The following SLC8A1 variants were observed in gnomAD, a reference collection of about 807,000 sequenced individuals.
SLC8A1 encodes sodium/calcium exchanger 1.
A neutral mutation model predicts 68.3 loss-of-function variants in SLC8A1; 18 were observed. The observed-to-expected ratio is 0.26, with a 90% CI of 0.18 to 0.39. SLC8A1 has a LOEUF of 0.39. Among genes scored for constraint, SLC8A1 ranks in the 10% least tolerant of loss-of-function variants. The pLI is 1.00. For synonymous variants in SLC8A1, 475 were observed against 415.5 expected (o/e 1.14, Z -1.74); for missense variants, 985 against 1,156.7 (o/e 0.85, Z 2.15).
At chr2:40,315,481 A>G (rs766449472) in intron 2 of SLC8A1, among the ~76,000 whole-genome samples, 5 of 134,222 alleles carry the variant, frequency 3.7e-5, no homozygotes, top group Non-Finnish European at 6.3e-5. Flanking sequence ...TATCCCTGTT[A>G]CAACTGCTTT....
chr2:40,200,230 A>G (rs1333608962), intron 2 of SLC8A1, among the ~76,000 whole-genome samples: 6 of 30,306 alleles, frequency 2.0e-4, no homozygotes, highest in Non-Finnish European at 3.9e-4. Context: ...TTTTTTATAT[A>G]TATATATAAA....
At chr2:40,357,827 G>C (rs550824338) in intron 2 of SLC8A1, among the ~76,000 whole-genome samples, 1 of 152,084 alleles carries the variant, frequency 6.6e-6, no homozygotes, top group Non-Finnish European at 1.5e-5. Context: ...TTTAAGGAGA[G>C]TACAGTTGAT....
intron 2 of SLC8A1, among the ~76,000 whole-genome samples, chr2:40,407,774 C>T (rs924964468): frequency 2.6e-5 from 4 of 152,198 alleles, no homozygotes; most frequent in Admixed American, 2.0e-4. Flanking sequence ...AAATACTTGA[C>T]CTTCCTAACC....
chr2:40,247,794 G>A (rs1298043595), intron 2 of SLC8A1, among the ~76,000 whole-genome samples: 2 of 152,186 alleles, frequency 1.3e-5, no homozygotes, highest in African/African-American at 4.8e-5. Context: ...AGACCCAGTA[G>A]AAACCCAATA....
chr2:40,212,704 A>C (rs989891026), intron 2 of SLC8A1, among the ~76,000 whole-genome samples: 3 of 152,310 alleles, frequency 2.0e-5, no homozygotes, highest in African/African-American at 2.4e-5. Flanking sequence ...TAACAAGTGA[A>C]GACTCTTCTT....
intron 1 of SLC8A1, among the ~76,000 whole-genome samples, chr2:40,486,714 T>C (rs115225690): frequency 0.027 from 4,084 of 151,292 alleles, 68 homozygotes; most frequent in Non-Finnish European, 0.041. Flanking sequence ...TATGTTTTTT[T>C]TAATTTCTTT....
intron 2 of SLC8A1, among the ~76,000 whole-genome samples, chr2:40,299,022 G>A (rs183541272): frequency 1.6e-4 from 24 of 152,168 alleles, no homozygotes; most frequent in East Asian, 1.2e-3. Flanking sequence ...AGGAGGCCTC[G>A]GCTATTCAAA....
At chr2:40,494,667 A>G (rs1375680035) in intron 1 of SLC8A1, among the ~76,000 whole-genome samples, 1 of 134,556 alleles carries the variant, frequency 7.4e-6, no homozygotes, top group Non-Finnish European at 1.6e-5. Context: ...ATATATATAT[A>G]TATATATATA....
intron 2 of SLC8A1, among the ~76,000 whole-genome samples, chr2:40,240,268 T>G (rs1050226245): frequency 1.4e-4 from 22 of 152,214 alleles, no homozygotes; most frequent in African/African-American, 5.1e-4. Flanking sequence ...CTGTGCCAAG[T>G]CAAGTCTCCG....
intron 2 of SLC8A1, among the ~76,000 whole-genome samples, chr2:40,247,656 T>A (rs1019439698): frequency 7.2e-5 from 11 of 152,352 alleles, no homozygotes; most frequent in African/African-American, 2.4e-4. Flanking sequence ...AACTCTATTT[T>A]AAATTTTTTG....
chr2:40,148,489 G>A (rs897215335), intron 6 of SLC8A1, among the ~76,000 whole-genome samples: 2 of 152,176 alleles, frequency 1.3e-5, no homozygotes, highest in African/African-American at 4.8e-5. Flanking sequence ...GATGCAAATT[G>A]AGTAACAGTC....
rs17317187 is a variant in SLC8A1, at chr2:40,274,178, G to C, written c.1809-96323C>G. The stretch of plus-strand genomic sequence containing the variant: ...TGGATGGAATAGACTGGGCACTGTT[G>C]CTTTCTAGCTGTTTGTTCTCCATGA... On this transcript the variant is annotated intron_variant, in intron 2 of 7. Coordinates refer to ENST00000406785, the Ensembl canonical transcript of SLC8A1. Among the ~76,000 whole-genome samples, 1,000 of 149,540 alleles carry C rather than the reference G, an allele frequency of 6.7e-3. 3 individuals carry two copies. The highest frequency in any genetic ancestry group is 7.9e-3 in the Non-Finnish European group (534 of 67,592).
At chr2:40,312,577 A>T (rs1276049615) in intron 2 of SLC8A1, among the ~76,000 whole-genome samples, 1 of 152,184 alleles carries the variant, frequency 6.6e-6, no homozygotes, top group Non-Finnish European at 1.5e-5. Flanking sequence ...AAATATGTAT[A>T]TGGAAGCAAA....
At chr2:40,198,795 ACTC>A (rs2053579231) in intron 2 of SLC8A1, among the ~76,000 whole-genome samples, 1 of 151,746 alleles carries the variant, frequency 6.6e-6, no homozygotes, top group African/African-American at 2.4e-5. Flanking sequence ...GTGGTTTCCC[ACTC>A]CTCATTACTA....
chr2:40,354,607 G>C (rs1672123782), intron 2 of SLC8A1, among the ~76,000 whole-genome samples: 1 of 152,108 alleles, frequency 6.6e-6, no homozygotes, highest in South Asian at 2.1e-4. Flanking sequence ...TAGTAAGGAG[G>C]GGTTGCTTCT....
chr2:40,262,569 T>C (rs2064854156), intron 2 of SLC8A1, among the ~76,000 whole-genome samples: 1 of 152,242 alleles, frequency 6.6e-6, no homozygotes, highest in Non-Finnish European at 1.5e-5. Flanking sequence ...AGCCATGATA[T>C]AGAAACACTA....
intron 2 of SLC8A1, among the ~76,000 whole-genome samples, chr2:40,394,771 T>A (rs1184693406): frequency 2.0e-5 from 3 of 152,080 alleles, no homozygotes; most frequent in African/African-American, 4.8e-5. Flanking sequence ...TAGTTCCCAT[T>A]CCTGCCAAAA....
intron 2 of SLC8A1, among the ~76,000 whole-genome samples, chr2:40,283,667 G>A (rs912658444): frequency 1.3e-5 from 2 of 152,170 alleles, no homozygotes; most frequent in East Asian, 1.9e-4. Context: ...ACGCATCAAA[G>A]TCAGAGCTCC....
intron 7 of SLC8A1, among the ~76,000 whole-genome samples, chr2:40,117,555 A>C: frequency 6.8e-6 from 1 of 147,152 alleles, no homozygotes; most frequent in Non-Finnish European, 1.5e-5. Context: ...ACAGAGTGAG[A>C]CTCCATCTCA....
Sources: allele counts gnomAD v4.1 joint callset (sites outside exome capture counted in the v4.1 genomes callset), GRCh38; gene constraint gnomAD v4.1.1; transcripts MANE v1.5; gene names NCBI Gene and HGNC (gene_info 2026-07-23, HGNC 2026-07-21).